The following DNAH11 variants were observed in gnomAD, a reference collection of about 807,000 sequenced individuals.
DNAH11 encodes dynein axonemal heavy chain 11, also known as axonemal beta dynein heavy chain 11.
A neutral mutation model predicts 526.0 loss-of-function variants in DNAH11; 442 were observed. That is an observed-to-expected ratio of 0.84 (90% CI 0.78 to 0.91). The LOEUF (loss-of-function observed/expected upper bound fraction) is 0.91, where lower values mean the gene tolerates loss of function less well. Among genes scored for constraint, DNAH11 ranks in the 40% least tolerant of loss-of-function variants. DNAH11 has a pLI of 0.00. For synonymous variants in DNAH11, 2,461 were observed against 1,935.9 expected (o/e 1.27, Z -7.12); for missense variants, 6,989 against 5,448.7 (o/e 1.28, Z -8.90).
intron 45 of DNAH11, among the ~76,000 whole-genome samples, chr7:21,729,618 A>G (rs2965372): frequency 0.65 from 98,686 of 152,052 alleles, 32,486 homozygotes; most frequent in South Asian, 0.73. Flanking sequence ...CACAGGTTCT[A>G]TCTTACACAG....
intron 25 of DNAH11, among the ~76,000 whole-genome samples, chr7:21,630,822 T>G (rs1786568415): frequency 6.6e-6 from 1 of 152,210 alleles, no homozygotes. Flanking sequence ...CAGTTCTATT[T>G]GGTGTTCTCT....
In DNAH11 at chr7:21,862,042, T is replaced by C; in HGVS notation, c.11373+19T>C. 6.3e-7 allele frequency: 1 copy of C among 1,596,446 alleles called. No individual in the cohort carries two copies. The highest frequency in any genetic ancestry group is 1.8e-5 in the Admixed American group (1 of 56,778). On this transcript the variant is annotated intron_variant, in intron 69 of 81. Transcript: ENST00000409508. ...TTTTCAGGTAAGGAGATCAGTTACT[T>C]GAAAAAGGATCCCCAGAACCAAAGG...
intron 81 of DNAH11, among the ~76,000 whole-genome samples, chr7:21,900,690 G>A (rs980397260): frequency 6.6e-6 from 1 of 152,148 alleles, no homozygotes; most frequent in Non-Finnish European, 1.5e-5. Flanking sequence ...GAGGAAATGT[G>A]GTGAACTGGA....
rs778936667 is a variant in DNAH11 at position 21,704,596 on chromosome 7, C to G, written c.6436C>G (p.Arg2146Gly). The change falls in exon 38 of 82, where the codon CGC (arginine) becomes GGC (glycine). Residue 2146 changes from arginine (R) to glycine (G), a missense_variant. Arg to Gly is a moderately radical substitution (Grantham distance 125, BLOSUM62 -2). Transcript: ENST00000409508. ...GGTCAGGCAGTCTACCCTGGAGCTCCGCCTGCAGCCTGAAGAGAGCTTCAT... is the reference window on the plus strand; with the variant it reads ...GGTCAGGCAGTCTACCCTGGAGCTCGGCCTGCAGCCTGAAGAGAGCTTCAT... ...QMVRQSTLEL[R>G]LQPEESFILK... 6.2e-7 allele frequency: 1 copy of G among 1,608,848 alleles called. No homozygotes were observed. The highest frequency in any genetic ancestry group is 8.5e-7 in the Non-Finnish European group (1 of 1,178,466).
intron 30 of DNAH11, among the ~76,000 whole-genome samples, chr7:21,669,657 T>TTG (rs58030631): frequency 0.023 from 3,498 of 149,898 alleles, 55 homozygotes; most frequent in Middle Eastern, 0.051. Context: ...GTTTTTCTTT[T>TTG]TGTGTGTGTG....
intron 22 of DNAH11, 154 bp downstream of exon 22, chr7:21,616,446 T>C: frequency 1.8e-6 from 1 of 550,834 alleles, no homozygotes; most frequent in Admixed American, 3.4e-5. Flanking sequence ...CCTTAGCCAG[T>C]TGCACTTCTA....
At chr7:21,655,089 C>A (rs1318808054) in intron 28 of DNAH11, among the ~76,000 whole-genome samples, 1 of 145,290 alleles carries the variant, frequency 6.9e-6, no homozygotes, top group Non-Finnish European at 1.5e-5. Flanking sequence ...CCCAAATTGT[C>A]TGGAGCCTGC....
intron 65 of DNAH11, among the ~76,000 whole-genome samples, chr7:21,821,316 T>G (rs563268009): frequency 6.6e-6 from 1 of 152,186 alleles, no homozygotes; most frequent in Non-Finnish European, 1.5e-5. Flanking sequence ...TGGAGCTTAG[T>G]AAAAGGATGT....
Position 21,558,640 on chromosome 7 carries a change from TTAAATC to T in DNAH11, c.496-156_496-151del, listed in dbSNP as rs772533379. Among the ~76,000 whole-genome samples, 66 of 152,350 alleles carry T rather than the reference TTAAATC, an allele frequency of 4.3e-4. 2 individuals carry two copies. The highest frequency in any genetic ancestry group is 5.2e-4 in the Admixed American group (8 of 15,306). On this transcript the variant is annotated intron_variant, in intron 2 of 81. Transcript: ENST00000409508. Reference sequence around the variant, plus strand: ...TTTGACAGAATTTATGTCTAATTGATTAAATCTAAATGGGTCACTGACTTTATCCTC... The same window carrying T: ...TTTGACAGAATTTATGTCTAATTGATTAAATGGGTCACTGACTTTATCCTC...
At chr7:21,723,041 A>G (rs946956243) in intron 44 of DNAH11, among the ~76,000 whole-genome samples, 3 of 152,200 alleles carry the variant, frequency 2.0e-5, no homozygotes. Flanking sequence ...AATAGTCAAC[A>G]TGAGCAGCAA....
At chr7:21,782,962 G>T (rs1203790147) in intron 57 of DNAH11, among the ~76,000 whole-genome samples, 2 of 150,984 alleles carry the variant, frequency 1.3e-5, no homozygotes, top group African/African-American at 4.9e-5. Context: ...ACTCTTTAAG[G>T]TTTTATCCAG....
At chr7:21,681,749 C>G (rs193120032) in intron 31 of DNAH11, 72 bp downstream of exon 31, 2 of 1,573,174 alleles carry the variant, frequency 1.3e-6, no homozygotes, top group African/African-American at 1.3e-5. Flanking sequence ...CAGAGTAGTT[C>G]CAAGAAAGTC....
intron 65 of DNAH11, among the ~76,000 whole-genome samples, chr7:21,837,429 C>T (rs1782037183): frequency 6.6e-6 from 1 of 152,144 alleles, no homozygotes; most frequent in Admixed American, 6.5e-5. Context: ...TTTGTGGCAA[C>T]ATGGATGAAC....
intron 10 of DNAH11, 93 bp downstream of exon 10, chr7:21,588,294 A>G: frequency 7.0e-7 from 1 of 1,434,162 alleles, no homozygotes; most frequent in Non-Finnish European, 9.3e-7. Flanking sequence ...TCTAAAGATT[A>G]GATATAGGCA....
intron 45 of DNAH11, among the ~76,000 whole-genome samples, chr7:21,728,446 A>G (rs1408596576): frequency 6.6e-6 from 1 of 151,410 alleles, no homozygotes; most frequent in African/African-American, 2.4e-5. Context: ...TTTAGTAGAG[A>G]CGGGGTTTCA....
In DNAH11 at chr7:21,588,140, T is replaced by A. The variant is rs965683699; in HGVS notation, c.1787T>A (p.Val596Glu). Residue 596 changes from valine (V) to glutamate (E), a missense_variant, in exon 10 of 82, where the codon GTG becomes GAG. Physicochemically the swap from Val to Glu is moderately radical, Grantham distance 121 (BLOSUM62 -2). Coordinates refer to ENST00000409508, the MANE Select transcript of DNAH11 (RefSeq NM_001277115.2). ...TTCAGCCTACATTACAGCACACTAGTGCATATGTTTAATACAGAGCTGGAT... is the reference window on the plus strand; with the variant it reads ...TTCAGCCTACATTACAGCACACTAGAGCATATGTTTAATACAGAGCTGGAT... ...EIFSLHYSTL[V>E]HMFNTELDVC... The A allele has an allele frequency of 1.9e-6, 3 of 1,613,404 alleles. No homozygotes were observed. The highest frequency in any genetic ancestry group is 1.7e-5 in the Admixed American group (1 of 59,950).
At chr7:21,625,225 A>T (rs1285532724) in intron 25 of DNAH11, among the ~76,000 whole-genome samples, 2 of 151,802 alleles carry the variant, frequency 1.3e-5, no homozygotes, top group African/African-American at 4.8e-5. Flanking sequence ...TCATCTGTTG[A>T]GATCTTTTAT....
chr7:21,564,154 G>A (rs762133456), intron 5 of DNAH11, 32 bp from the exon 6 acceptor site: 21 of 1,390,740 alleles, frequency 1.5e-5, no homozygotes, highest in South Asian at 5.1e-5. Flanking sequence ...AAACAAACCA[G>A]AATCACGTTA....
rs748464037 is a variant in DNAH11 at position 21,894,808 on chromosome 7, A to G, written c.12933+3A>G. ...AACAACTGGACCTTAGTTTGAAGGT[A>G]AGCTTAAAGTGAGGCTATAGTAGAC... On this transcript the variant is annotated splice_donor_region_variant and intron_variant, in intron 78 of 81. Transcript: ENST00000409508. 2 of 1,608,310 alleles carry G rather than the reference A, an allele frequency of 1.2e-6. No homozygotes were observed. The highest frequency in any genetic ancestry group is 1.7e-6 in the Non-Finnish European group (2 of 1,176,590).
Sources: gnomAD v4.1 joint callset for allele counts (sites outside exome capture counted in the v4.1 genomes callset) on GRCh38, gnomAD v4.1.1 for gene constraint, MANE v1.5 for transcripts, NCBI Gene and HGNC (gene_info 2026-07-23, HGNC 2026-07-21) for gene names.